ARMC8: variants seen among roughly 807,000 people sequenced by gnomAD.
ARMC8 encodes the protein armadillo repeat-containing protein 8.
Under a neutral mutation model 99.3 loss-of-function variants are expected in ARMC8, and 20 were observed. The observed-to-expected ratio is 0.20, with a 90% confidence interval of 0.14 to 0.29. The LOEUF (loss-of-function observed/expected upper bound fraction) is 0.29. ARMC8 is among the 10% of genes least tolerant of loss of function. The probability of loss-of-function intolerance (pLI) is 1.00; values close to 1 mark genes in which losing one functional copy is unlikely to be tolerated. For synonymous variants in ARMC8, 263 were observed against 278.3 expected, an observed-to-expected ratio of 0.95 and a Z score of 0.55; for missense variants, 569 against 809.5, an observed-to-expected ratio of 0.70 and a Z score of 3.60.
intron 1 of ARMC8, chr3:138,187,899 T>C (rs1021240054): frequency 8.8e-6 from 4 of 455,968 alleles, no homozygotes; most frequent in Non-Finnish European, 1.6e-5. Flanking sequence ...GCTTGGACTT[T>C]GCCAAGCGTT....
At chr3:138,216,705 A>G (rs2045064693) in intron 2 of ARMC8, among the ~76,000 whole-genome samples, 1 of 152,200 alleles carries the variant, frequency 6.6e-6, no homozygotes, top group Non-Finnish European at 1.5e-5. Flanking sequence ...TGAATGTTTT[A>G]TAAACAGTGA....
intron 21 of ARMC8, among the ~76,000 whole-genome samples, chr3:138,290,909 G>A (rs1046713604): frequency 1.3e-5 from 2 of 152,134 alleles, no homozygotes; most frequent in Admixed American, 6.6e-5. Flanking sequence ...GCGTACATTC[G>A]CCTGATCATT....
intron 1 of ARMC8, among the ~76,000 whole-genome samples, chr3:138,196,819 A>G (rs541214737): frequency 1.3e-5 from 2 of 152,314 alleles, no homozygotes; most frequent in Non-Finnish European, 2.9e-5. Flanking sequence ...GTGAGCTGAG[A>G]TCGCACCCTT....
chr3:138,234,321 A>G (rs909500985), intron 6 of ARMC8, among the ~76,000 whole-genome samples: 13 of 152,276 alleles, frequency 8.5e-5, no homozygotes, highest in African/African-American at 2.6e-4. Context: ...CATGTTGACC[A>G]GGATGGTCTT....
At chr3:138,214,338 G>T (rs1193207060) in intron 2 of ARMC8, among the ~76,000 whole-genome samples, 5 of 151,758 alleles carry the variant, frequency 3.3e-5, no homozygotes, top group Non-Finnish European at 7.4e-5. Context: ...GGATGCTGCA[G>T]AATCATGTGA....
intron 12 of ARMC8, among the ~76,000 whole-genome samples, chr3:138,257,651 T>C (rs895396850): frequency 1.3e-5 from 2 of 152,170 alleles, no homozygotes; most frequent in Non-Finnish European, 2.9e-5. Flanking sequence ...ATCTTGGGTT[T>C]ATAGTGCTCA....
chr3:138,286,757 A>T (rs1056948410), intron 19 of ARMC8, among the ~76,000 whole-genome samples: 1 of 152,254 alleles, frequency 6.6e-6, no homozygotes, highest in East Asian at 1.9e-4. Flanking sequence ...GGAGAATCTC[A>T]TCCACCCCCA....
intron 21 of ARMC8, among the ~76,000 whole-genome samples, chr3:138,294,810 G>C (rs2051312203): frequency 6.6e-6 from 1 of 152,124 alleles, no homozygotes; most frequent in Non-Finnish European, 1.5e-5. Flanking sequence ...CCACCTCAAA[G>C]GAGGCCACTT....
intron 6 of ARMC8, among the ~76,000 whole-genome samples, chr3:138,229,581 T>A (rs545603000): frequency 6.6e-6 from 1 of 152,320 alleles, no homozygotes; most frequent in South Asian, 2.1e-4. Context: ...CAATGTGTGA[T>A]CATGACTGTT....
At chr3:138,295,664 A>G (rs1013906015) in intron 21 of ARMC8, among the ~76,000 whole-genome samples, 195 bp from the exon 22 acceptor site, 6 of 152,234 alleles carry the variant, frequency 3.9e-5, no homozygotes, top group African/African-American at 1.4e-4. Flanking sequence ...GAAGAAGAAT[A>G]TAGCCAGAGT....
chr3:138,217,401 CTT>C (rs753393123), intron 2 of ARMC8, among the ~76,000 whole-genome samples: 3 of 135,930 alleles, frequency 2.2e-5, no homozygotes, highest in Admixed American at 7.3e-5. Flanking sequence ...GGTCTAGATC[CTT>C]TTTTTTTTTT....
chr3:138,208,101 TG>T (rs1392695030), intron 1 of ARMC8, among the ~76,000 whole-genome samples: 1,830 of 122,538 alleles, frequency 0.015, 35 homozygotes, highest in African/African-American at 0.046. Flanking sequence ...TTTTTTTTTT[TG>T]TTGTTGTTGT....
rs1189740293 is a variant in ARMC8, at chr3:138,222,102, TTAAAA to T, written c.194+110_194+114del. 2.5e-5 allele frequency: 19 copies of T among 770,082 alleles called. No homozygotes were observed. The African/African-American group carries it at 3.0e-4, about 12-fold the overall frequency. 47.7% of individuals were successfully genotyped at this position (770,082 alleles called of 1,614,324 possible). The stretch of plus-strand genomic sequence containing the variant: ...TTTTCCTGTATTGTCTGTCTAATTC[TTAAAA>T]TAAATCCTATTTTTAAAAATAAATG... On this transcript the variant is annotated intron_variant, in intron 3 of 21. Coordinates refer to ENST00000469044, the MANE Select transcript of ARMC8 (RefSeq NM_001363941.2).
intron 21 of ARMC8, among the ~76,000 whole-genome samples, chr3:138,292,830 C>T (rs1577068865): frequency 6.6e-6 from 1 of 152,178 alleles, no homozygotes; most frequent in Non-Finnish European, 1.5e-5. Flanking sequence ...GGACCAAGAT[C>T]TAGAGTCCCT....
intron 6 of ARMC8, among the ~76,000 whole-genome samples, chr3:138,230,947 G>T (rs1202738122): frequency 6.6e-6 from 1 of 152,012 alleles, no homozygotes; most frequent in Non-Finnish European, 1.5e-5. Context: ...TTTTTTGCTG[G>T]AGAGAAACTT....
intron 1 of ARMC8, among the ~76,000 whole-genome samples, chr3:138,194,046 CTT>C (rs755827729): frequency 6.3e-5 from 9 of 142,286 alleles, no homozygotes; most frequent in Non-Finnish European, 9.2e-5. Flanking sequence ...GGCATTACGT[CTT>C]TTTTTTTTTT....
intron 14 of ARMC8, among the ~76,000 whole-genome samples, chr3:138,264,696 G>A (rs897251571): frequency 1.3e-5 from 2 of 151,712 alleles, no homozygotes; most frequent in Non-Finnish European, 1.5e-5. Flanking sequence ...GGGATTACAG[G>A]CATGAGCCAC....
intron 13 of ARMC8, 58 bp from the exon 14 acceptor site, chr3:138,264,069 AGTTT>A (rs2048017354): frequency 6.8e-7 from 1 of 1,460,410 alleles, no homozygotes; most frequent in Non-Finnish European, 9.6e-7. Context: ...AATGCCAGCC[AGTTT>A]GTTTGAAAAG....
intron 6 of ARMC8, among the ~76,000 whole-genome samples, chr3:138,234,429 G>GAA (rs2046227075): frequency 6.6e-6 from 1 of 152,064 alleles, no homozygotes; most frequent in African/African-American, 2.4e-5. Flanking sequence ...CTTTTAAAAA[G>GAA]AAAAATGAGA....
Sources: gnomAD v4.1 joint callset for allele counts (sites outside exome capture counted in the v4.1 genomes callset) on GRCh38, gnomAD v4.1.1 for gene constraint, MANE v1.5 for transcripts, NCBI Gene and HGNC (gene_info 2026-07-23, HGNC 2026-07-21) for gene names.